MTUS2: variants seen among roughly 807,000 people sequenced by gnomAD.
MTUS2 encodes microtubule associated scaffold protein 2, also known as microtubule-associated tumor suppressor candidate 2.
A neutral mutation model predicts 114.1 loss-of-function variants in MTUS2; 40 were observed. The observed-to-expected ratio is 0.35, with a 90% CI of 0.27 to 0.46. MTUS2 has a LOEUF of 0.46. MTUS2 is among the 20% of genes least tolerant of loss of function. The pLI, the probability that MTUS2 is intolerant of heterozygous loss-of-function variation, is 1.00. For synonymous variants in MTUS2, 688 were observed against 672.0 expected, an observed-to-expected ratio of 1.02 and a Z score of -0.37; for missense variants, 1,679 against 1,705.4, an observed-to-expected ratio of 0.98 and a Z score of 0.27.
intron 2 of MTUS2, among the ~76,000 whole-genome samples, chr13:28,872,882 A>G (rs1877708227): frequency 6.6e-6 from 1 of 152,174 alleles, no homozygotes; most frequent in African/African-American, 2.4e-5. Flanking sequence ...TGATGAGATT[A>G]TGGCTGAGAA....
At chr13:29,082,247 C>G (rs563258232) in intron 4 of MTUS2, among the ~76,000 whole-genome samples, 3 of 152,320 alleles carry the variant, frequency 2.0e-5, no homozygotes, top group South Asian at 4.1e-4. Context: ...TATTGGACTT[C>G]TAGCCTGCAG....
At chr13:29,299,384 G>A (rs4769711) in intron 6 of MTUS2, among the ~76,000 whole-genome samples, 63,883 of 152,016 alleles carry the variant, frequency 0.42, 14,852 homozygotes, top group Non-Finnish European at 0.52. Flanking sequence ...TATTAATTGC[G>A]TACCCTCTTC....
At chr13:29,174,206 C>A (rs1050771645) in intron 5 of MTUS2, among the ~76,000 whole-genome samples, 5 of 152,122 alleles carry the variant, frequency 3.3e-5, no homozygotes, top group African/African-American at 1.2e-4. Context: ...TATGCCTACA[C>A]CATTTATTTT....
intron 4 of MTUS2, among the ~76,000 whole-genome samples, chr13:29,095,719 C>G (rs1890149682): frequency 7.5e-5 from 1 of 13,324 alleles, no homozygotes; most frequent in Admixed American, 1.4e-3. Context: ...TCTTCAAGTT[C>G]ACTTTTTTTT....
At chr13:29,337,623 T>C (rs1901139960) in intron 7 of MTUS2, among the ~76,000 whole-genome samples, 1 of 148,576 alleles carries the variant, frequency 6.7e-6, no homozygotes, top group African/African-American at 2.5e-5. Flanking sequence ...TTTTTTGAGA[T>C]GGGGGTCTCA....
At chr13:29,348,563 G>A (rs1868942435) in intron 7 of MTUS2, among the ~76,000 whole-genome samples, 1 of 152,200 alleles carries the variant, frequency 6.6e-6, no homozygotes, top group African/African-American at 2.4e-5. Flanking sequence ...TTCTACAAAT[G>A]TCATAGGTCA....
At chr13:28,921,193 A>C (rs144954002) in intron 2 of MTUS2, among the ~76,000 whole-genome samples, 123 of 152,332 alleles carry the variant, frequency 8.1e-4, no homozygotes, top group African/African-American at 2.8e-3. Context: ...CCCAAGGCCC[A>C]TGGCCTATCA....
At chr13:28,974,871 ATAGAT>A (rs1306837382) in intron 2 of MTUS2, among the ~76,000 whole-genome samples, 1 of 143,458 alleles carries the variant, frequency 7.0e-6, no homozygotes, top group Non-Finnish European at 1.6e-5. Context: ...CAGCACATTA[ATAGAT>A]TAGATAGTCA....
chr13:29,130,947 A>G (rs944618042), intron 5 of MTUS2, among the ~76,000 whole-genome samples: 2 of 152,174 alleles, frequency 1.3e-5, no homozygotes, highest in African/African-American at 2.4e-5. Context: ...GTGTATTGAT[A>G]TTGATTATCA....
At chr13:29,371,497 C>T (rs947826214) in intron 8 of MTUS2, among the ~76,000 whole-genome samples, 3 of 152,138 alleles carry the variant, frequency 2.0e-5, no homozygotes, top group South Asian at 2.1e-4. Flanking sequence ...GGATTACAGG[C>T]GTGAGCCACT....
intron 5 of MTUS2, among the ~76,000 whole-genome samples, chr13:29,160,421 A>C (rs1278222610): frequency 6.6e-6 from 1 of 152,248 alleles, no homozygotes; most frequent in Non-Finnish European, 1.5e-5. Flanking sequence ...TTATGTTATC[A>C]GTAAGGCTTC....
chr13:28,994,520 G>A (rs1885004575), intron 2 of MTUS2, among the ~76,000 whole-genome samples: 1 of 152,186 alleles, frequency 6.6e-6, no homozygotes, highest in Admixed American at 6.5e-5. Context: ...CCCACCAATG[G>A]TGTAAAAGTG....
intron 2 of MTUS2, among the ~76,000 whole-genome samples, chr13:28,937,891 G>C (rs1462359565): frequency 1.3e-5 from 2 of 152,126 alleles, no homozygotes; most frequent in African/African-American, 2.4e-5. Context: ...GAGCCTAATA[G>C]GCCGGAGCTT....
chr13:29,451,844 C>T (rs563810099), intron 9 of MTUS2, among the ~76,000 whole-genome samples: 10 of 152,144 alleles, frequency 6.6e-5, no homozygotes, highest in African/African-American at 9.7e-5. Flanking sequence ...CCGCCTCAGC[C>T]TCCCAAAGTG....
In MTUS2 at chr13:28,884,892, A is replaced by G. The variant is rs113819019; in HGVS notation, c.-243+45042A>G. The stretch of plus-strand genomic sequence containing the variant: ...TTTCCTGGTATACAGGAAACAGAAA[A>G]AACTAACTGCAGTTATTGGGAAAGT... On this transcript the variant is annotated intron_variant, in intron 2 of 15. Transcript: ENST00000612955. 6.5e-3 allele frequency among the ~76,000 whole-genome samples: 995 copies of G among 152,274 alleles called. 5 individuals are homozygous for G. The highest frequency in any genetic ancestry group is 0.022 in the African/African-American group (909 of 41,554).
At chr13:29,466,876 C>CA (rs11296600) in intron 9 of MTUS2, among the ~76,000 whole-genome samples, 1,491 of 87,382 alleles carry the variant, frequency 0.017, 16 homozygotes, top group Middle Eastern at 0.031. Context: ...GACCTCATCT[C>CA]AAAAAAAAAA....
At chr13:29,399,185 A>C (rs1237431340) in intron 8 of MTUS2, among the ~76,000 whole-genome samples, 1 of 152,226 alleles carries the variant, frequency 6.6e-6, no homozygotes, top group Non-Finnish European at 1.5e-5. Flanking sequence ...ACGTTGTCAC[A>C]GCATTTGTAA....
chr13:28,931,219 A>G (rs1881598646), intron 2 of MTUS2, among the ~76,000 whole-genome samples: 1 of 152,232 alleles, frequency 6.6e-6, no homozygotes, highest in Non-Finnish European at 1.5e-5. Flanking sequence ...TCAATCAACC[A>G]CCAATTGAAA....
chr13:28,970,389 A>G (rs1338265397), intron 2 of MTUS2, among the ~76,000 whole-genome samples: 1 of 152,226 alleles, frequency 6.6e-6, no homozygotes, highest in Non-Finnish European at 1.5e-5. Flanking sequence ...CCCATAGACC[A>G]CATCTGTCCT....
Sources: gnomAD v4.1 joint callset for allele counts (sites outside exome capture counted in the v4.1 genomes callset) on GRCh38, gnomAD v4.1.1 for gene constraint, MANE v1.5 for transcripts, NCBI Gene and HGNC (gene_info 2026-07-23, HGNC 2026-07-21) for gene names.